UBE2Z: variants seen among roughly 807,000 people sequenced by gnomAD.
UBE2Z encodes the protein ubiquitin-conjugating enzyme E2 Z.
In UBE2Z, 10 loss-of-function variants were observed where a neutral mutation model predicts 32.6. That is an observed-to-expected ratio of 0.31 (90% CI 0.19 to 0.52). The LOEUF is 0.52. Among genes scored for constraint, UBE2Z ranks in the 20% least tolerant of loss-of-function variants. UBE2Z has a pLI of 0.97. For synonymous variants in UBE2Z, 183 were observed against 190.8 expected (o/e 0.96, Z 0.34); for missense variants, 343 against 480.9 (o/e 0.71, Z 2.68).
intron 3 of UBE2Z, 85 bp from the exon 4 acceptor site, chr17:48,915,991 C>T: frequency 1.3e-6 from 1 of 778,388 alleles, no homozygotes; most frequent in Non-Finnish European, 2.0e-6. Flanking sequence ...TGGTGAGTCA[C>T]TTATGGTGGT....
chr17:48,911,193 A>G (rs2040674416), intron 2 of UBE2Z: 4 of 334,710 alleles, frequency 1.2e-5, no homozygotes, highest in Non-Finnish European at 2.3e-5. Flanking sequence ...AATAAATTAT[A>G]TGGTCACCCT....
intron 4 of UBE2Z, among the ~76,000 whole-genome samples, chr17:48,917,684 C>A (rs184498759): frequency 6.6e-6 from 1 of 152,272 alleles, no homozygotes; most frequent in Admixed American, 6.5e-5. Context: ...TATATAATTT[C>A]TTGTTTAACC....
At chr17:48,923,507 C>G (rs988561462) in intron 6 of UBE2Z, among the ~76,000 whole-genome samples, 4 of 151,788 alleles carry the variant, frequency 2.6e-5, no homozygotes, top group Non-Finnish European at 5.9e-5. Context: ...TAGCATGTGC[C>G]TATAATCCCG....
chr17:48,919,098 A>G (rs535223668), intron 4 of UBE2Z, among the ~76,000 whole-genome samples: 6 of 149,462 alleles, frequency 4.0e-5, no homozygotes, highest in Non-Finnish European at 7.4e-5. Context: ...TTTTTATTTT[A>G]TTTATTTATT....
At position 48,927,191 on chromosome 17, in the gene UBE2Z, C is replaced by T. The variant is rs906179137; in HGVS notation, c.*57C>T. ...AGAGTCCCAGCAGAATCCCTTCCCC[C>T]CACCCCAGGGATGGAGAGGCACTGT... On this transcript the variant is annotated 3_prime_UTR_variant, in exon 7 of 7. Coordinates refer to ENST00000360943, the MANE Select transcript of UBE2Z (RefSeq NM_023079.5). 4 of 1,567,630 alleles carry T rather than the reference C, an allele frequency of 2.6e-6. No homozygotes were observed. The highest frequency in any genetic ancestry group is 1.1e-5 in the South Asian group (1 of 87,200).
At position 48,913,014 on chromosome 17, in the gene UBE2Z, A is replaced by T; in HGVS notation, c.571A>T (p.Ile191Phe). 6.2e-7 allele frequency: 1 copy of T among 1,613,682 alleles called. No individual in the cohort carries two copies. The highest frequency in any genetic ancestry group is 8.5e-7 in the Non-Finnish European group (1 of 1,179,656). ...CCGCAATGGGAAAGTCTGCTTGAGT[A>T]TTCTAGGGTAAGAGGAGACTTTTAA... ...FYRNGKVCLS[I>F]LGTWTGPAWS... is the part of the protein sequence containing the mutation. Residue 191 changes from isoleucine to phenylalanine, a missense_variant, in exon 3 of 7, where the codon ATT (isoleucine) becomes TTT (phenylalanine). Physicochemically the swap from Ile to Phe is conservative, Grantham distance 21. Transcript: ENST00000360943.
At position 48,908,577 on chromosome 17, in the gene UBE2Z, C is replaced by T. The variant is rs2040646763; in HGVS notation, c.74C>T (p.Ala25Val). 8.1e-7 allele frequency: 1 copy of T among 1,240,310 alleles called. No individual in the cohort carries two copies. The highest frequency in any genetic ancestry group is 1.0e-6 in the Non-Finnish European group (1 of 989,386). 76.8% of individuals were successfully genotyped at this position (1,240,310 alleles called of 1,614,324 possible). A position where few individuals can be genotyped will look rare whatever the true frequency, so the allele number is the denominator to read the frequency against. The change falls in exon 1 of 7, where the codon GCT becomes GTT. Residue 25 changes from alanine to valine, a missense_variant. Transcript: ENST00000360943. ...GAAGPGASSV[A>V]GVVGVSGSGG... Reference sequence around the variant, plus strand: ...GCGGGCCCCGGGGCGAGCAGCGTTGCTGGTGTTGTTGGCGTTAGCGGCAGC... The same window carrying T: ...GCGGGCCCCGGGGCGAGCAGCGTTGTTGGTGTTGTTGGCGTTAGCGGCAGC...
chr17:48,910,225 G>A (rs1184281087), intron 1 of UBE2Z: 1 of 152,712 alleles, frequency 6.5e-6, no homozygotes, highest in Non-Finnish European at 1.5e-5. Flanking sequence ...GAGATTCTTA[G>A]CAATTTCTGA....
At chr17:48,926,513 T>C (rs2040799363) in intron 6 of UBE2Z, among the ~76,000 whole-genome samples, 1 of 150,764 alleles carries the variant, frequency 6.6e-6, no homozygotes, top group African/African-American at 2.4e-5. Context: ...TTTACTCTTG[T>C]TGCCCAGGCT....
Position 48,923,064 on chromosome 17 carries a change from G to A in UBE2Z, c.894+127G>A, listed in dbSNP as rs1023231453. The A allele has an allele frequency of 1.8e-5, 15 of 831,236 alleles. No homozygotes were observed. The African/African-American group carries it at 2.1e-4, about 11-fold the overall frequency. 51.5% of individuals were successfully genotyped at this position (831,236 alleles called of 1,614,324 possible). On this transcript the variant is annotated intron_variant, in intron 6 of 6. Transcript: ENST00000360943. The stretch of plus-strand genomic sequence containing the variant: ...AGCCTGGGTTCAGTGGCTCATGCCT[G>A]TAATCCCAGCACTTTGGGAGGCCAA...
Position 48,928,724 on chromosome 17 carries a change from C to T in UBE2Z, c.*1590C>T, listed in dbSNP as rs185251725. 9 of 152,782 alleles carry T rather than the reference C, an allele frequency of 5.9e-5. No individual in the cohort carries two copies. In the East Asian group the frequency reaches 1.5e-3, roughly 26 times the overall value. 9.5% of individuals were successfully genotyped at this position (152,782 alleles called of 1,614,324 possible). On this transcript the variant is annotated 3_prime_UTR_variant, in exon 7 of 7. Coordinates refer to ENST00000360943, the MANE Select transcript of UBE2Z (RefSeq NM_023079.5). ...TACCCTTGAAGAGGCTGGGTCTCTTCACATGAAGATCGAAAAGGGACCCTG... is the reference window on the plus strand; with the variant it reads ...TACCCTTGAAGAGGCTGGGTCTCTTTACATGAAGATCGAAAAGGGACCCTG...
rs1234372680 is a variant in UBE2Z at position 48,916,250 on chromosome 17, G to GTTTTTTTT, written c.690+70_690+71insTTTTTTTT. 1.5e-3 allele frequency: 753 copies of GTTTTTTTT among 516,744 alleles called. 1 individual carries two copies. The highest frequency in any genetic ancestry group is 3.9e-3 in the East Asian group (83 of 21,134). 32.0% of individuals were successfully genotyped at this position (516,744 alleles called of 1,614,324 possible). A position where few individuals can be genotyped will look rare whatever the true frequency, so the allele number is the denominator to read the frequency against. On this transcript the variant is annotated intron_variant, in intron 4 of 6. Coordinates refer to ENST00000360943, the MANE Select transcript of UBE2Z (RefSeq NM_023079.5). Reference sequence around the variant, plus strand: ...TTGTTTTTGTTTGTTTGGTTGGTTGGTTTTTTTGTTTTTTTTTTTTTTTGA... The same window carrying GTTTTTTTT: ...TTGTTTTTGTTTGTTTGGTTGGTTGGTTTTTTTTTTTTTTTGTTTTTTTTTTTTTTTGA...
chr17:48,921,353 G>A, intron 5 of UBE2Z, 81 bp downstream of exon 5: 1 of 1,040,654 alleles, frequency 9.6e-7, no homozygotes, highest in South Asian at 1.4e-5. Context: ...ACAGTGTTGG[G>A]TACCAGAGGG....
chr17:48,923,068 T>G (rs146638912), intron 6 of UBE2Z, 131 bp downstream of exon 6: 1 of 798,252 alleles, frequency 1.3e-6, no homozygotes, highest in East Asian at 3.0e-5. Context: ...ATGCCTGTAA[T>G]CCCAGCACTT....
At position 48,928,189 on chromosome 17, in the gene UBE2Z, G is replaced by C. The variant is rs1468827551; in HGVS notation, c.*1055G>C. 1 of 152,220 alleles carries C rather than the reference G, an allele frequency of 6.6e-6. No homozygotes were observed. Among genetic ancestry groups the C allele is most frequent in the Non-Finnish European group, 1.5e-5 (1 of 68,166 alleles). 9.4% of individuals were successfully genotyped at this position (152,220 alleles called of 1,614,324 possible). On this transcript the variant is annotated 3_prime_UTR_variant, in exon 7 of 7. Coordinates refer to ENST00000360943, the MANE Select transcript of UBE2Z (RefSeq NM_023079.5). ...CCAATGGCAGAGGGGGTTGGGGCTGGGACTCTGGAGGCTCCTCCCCTTCTT... is the reference window on the plus strand; with the variant it reads ...CCAATGGCAGAGGGGGTTGGGGCTGCGACTCTGGAGGCTCCTCCCCTTCTT...
rs1160339923 is a variant in UBE2Z at position 48,912,929 on chromosome 17, A to G, written c.486A>G (p.Pro162=). Residue 162 remains proline, a synonymous_variant, in exon 3 of 7, where the codon CCA becomes CCG. Coordinates refer to ENST00000360943, the MANE Select transcript of UBE2Z (RefSeq NM_023079.5). Reference sequence around the variant, plus strand: ...GTCCGCCCGACTATCCCATCCACCCACCTCGGGTCAAACTGATGACAACGG... The same window carrying G: ...GTCCGCCCGACTATCCCATCCACCCGCCTCGGGTCAAACTGATGACAACGG... ...FRCPPDYPIH[P]PRVKLMTTGN... 1.2e-6 allele frequency: 2 copies of G among 1,613,450 alleles called. No homozygotes were observed. Among genetic ancestry groups the G allele is most frequent in the Non-Finnish European group, 1.7e-6 (2 of 1,179,778 alleles).
chr17:48,912,514 C>CAAAA (rs763993307), intron 2 of UBE2Z: 200 of 226,150 alleles, frequency 8.8e-4, no homozygotes, highest in East Asian at 1.9e-3. Context: ...GAGGTCTGCA[C>CAAAA]AAAAAAAAAA....
intron 2 of UBE2Z, 23 bp downstream of exon 2, chr17:48,910,903 GGGGGGTTTT>G (rs1199223427): frequency 6.3e-7 from 1 of 1,596,892 alleles, no homozygotes; most frequent in Non-Finnish European, 8.6e-7. Context: ...ATGGGGGTTT[GGGGGGTTTT>G]GGGAAATTGG....
intron 6 of UBE2Z, among the ~76,000 whole-genome samples, chr17:48,926,060 T>A (rs967960207): frequency 2.0e-5 from 3 of 152,160 alleles, no homozygotes; most frequent in Non-Finnish European, 2.9e-5. Flanking sequence ...AACCTTTCTG[T>A]ACAACGTTTA....
Sources: allele counts gnomAD v4.1 joint callset (sites outside exome capture counted in the v4.1 genomes callset), GRCh38; gene constraint gnomAD v4.1.1; transcripts MANE v1.5; gene names NCBI Gene and HGNC (gene_info 2026-07-23, HGNC 2026-07-21).